MED15: variants seen among roughly 807,000 people sequenced by gnomAD.
The protein encoded by MED15 is mediator complex subunit 15.
Under a neutral mutation model 118.7 loss-of-function variants are expected in MED15, and 41 were observed. The ratio of observed to expected loss-of-function variants is 0.35; its 90% CI spans 0.27 to 0.45. MED15 has a LOEUF of 0.45. Ranked by LOEUF, MED15 falls within the 20% of genes least tolerant of loss-of-function variation. The pLI is 1.00. For missense variants in MED15, 740 were observed against 1,025.5 expected (o/e 0.72, Z 3.80); for synonymous variants, 436 against 413.9 (o/e 1.05, Z -0.65).
rs368381271 is a variant in MED15, at chr22:20,583,267, G to A, written c.1672+20G>A. 6 of 1,611,760 alleles carry A rather than the reference G, an allele frequency of 3.7e-6. No individual in the cohort carries two copies. The highest frequency in any genetic ancestry group is 1.1e-5 in the South Asian group (1 of 91,058). Reference sequence around the variant, plus strand: ...ACGAAGGTAGGCTGCAGCCAGGGCAGGGGCCTGCACCCTGGGGACACCACC... The same window carrying A: ...ACGAAGGTAGGCTGCAGCCAGGGCAAGGGCCTGCACCCTGGGGACACCACC... On this transcript the variant is annotated intron_variant, in intron 12 of 17. Transcript: ENST00000263205.
chr22:20,507,667 T>A lies in MED15; in HGVS notation c.-12T>A, dbSNP rs1266953002. 6.2e-7 allele frequency: 1 copy of A among 1,613,872 alleles called. No individual in the cohort carries two copies. Among genetic ancestry groups the A allele is most frequent in the African/African-American group, 1.3e-5 (1 of 74,994 alleles). ...CAAGCGGGATACGGGCGGCGGGAGC[T>A]GGGGAACAGGCATGGACGTTTCCGG... On this transcript the variant is annotated 5_prime_UTR_variant, in exon 1 of 18. Coordinates refer to ENST00000263205, the MANE Select transcript of MED15 (RefSeq NM_001003891.3).
intron 9 of MED15, among the ~76,000 whole-genome samples, chr22:20,581,120 C>A (rs1320169550): frequency 6.6e-6 from 1 of 152,166 alleles, no homozygotes; most frequent in South Asian, 2.1e-4. Flanking sequence ...GTGCCTTAGC[C>A]CCCCACCCCC....
intron 3 of MED15, among the ~76,000 whole-genome samples, chr22:20,552,363 C>T (rs2055813617): frequency 6.6e-6 from 1 of 152,210 alleles, no homozygotes; most frequent in African/African-American, 2.4e-5. Flanking sequence ...ACTCCAGAGC[C>T]TGGTAGGTTT....
intron 2 of MED15, among the ~76,000 whole-genome samples, chr22:20,546,814 G>A (rs2055561738): frequency 6.6e-6 from 1 of 152,114 alleles, no homozygotes; most frequent in Admixed American, 6.5e-5. Flanking sequence ...TTCTTAGTCT[G>A]CTGGCATTTA....
intron 5 of MED15, among the ~76,000 whole-genome samples, chr22:20,563,444 A>G (rs187803336): frequency 6.6e-6 from 1 of 152,354 alleles, no homozygotes; most frequent in African/African-American, 2.4e-5. Context: ...CATTTTTGAA[A>G]TATTATGTAT....
intron 1 of MED15, among the ~76,000 whole-genome samples, chr22:20,530,884 A>G (rs752492303): frequency 6.6e-6 from 1 of 152,200 alleles, no homozygotes; most frequent in Non-Finnish European, 1.5e-5. Context: ...AGGGGGCAAC[A>G]ATAACCTCAA....
At chr22:20,512,012 A>G (rs2054087241) in intron 1 of MED15, among the ~76,000 whole-genome samples, 1 of 70,526 alleles carries the variant, frequency 1.4e-5, no homozygotes, top group African/African-American at 1.0e-4. Flanking sequence ...TTTTGGAGAC[A>G]AGATCTTGCT....
At chr22:20,529,474 G>T (rs2054777062) in intron 1 of MED15, among the ~76,000 whole-genome samples, 1 of 152,138 alleles carries the variant, frequency 6.6e-6, no homozygotes, top group Non-Finnish European at 1.5e-5. Flanking sequence ...ACCCAGGCTG[G>T]AGTGCAATGG....
chr22:20,575,738 A>G (rs2056803669), intron 9 of MED15, among the ~76,000 whole-genome samples: 1 of 150,526 alleles, frequency 6.6e-6, no homozygotes, highest in African/African-American at 2.4e-5. Context: ...AATGGAAAAT[A>G]TATATATAAA....
At position 20,538,853 on chromosome 22, in the gene MED15, C is replaced by G. The variant is rs111702741; in HGVS notation, c.156+1649C>G. ...TAGCCAGGATTACAGGTGCGCACCA[C>G]CACACCCGACTAATTTTTTGTATTT... On this transcript the variant is annotated intron_variant, in intron 2 of 17. Transcript: ENST00000263205. Among the ~76,000 whole-genome samples the G allele has an allele frequency of 4.9e-3, 747 of 152,064 alleles. 10 individuals carry two copies. Among genetic ancestry groups the G allele is most frequent in the African/African-American group, 0.017 (713 of 41,446 alleles).
chr22:20,563,307 T>C (rs2056313992), intron 5 of MED15, among the ~76,000 whole-genome samples: 2 of 152,192 alleles, frequency 1.3e-5, no homozygotes, highest in Non-Finnish European at 2.9e-5. Context: ...ATGTCCTTCA[T>C]GTAGACGGTT....
Position 20,554,951 on chromosome 22 carries a change from T to C in MED15, c.254T>C (p.Leu85Pro). 2 of 1,606,936 alleles carry C rather than the reference T, an allele frequency of 1.2e-6. No individual in the cohort carries two copies. Among genetic ancestry groups the C allele is most frequent in the Non-Finnish European group, 1.7e-6 (2 of 1,179,100 alleles). Residue 85 changes from leucine (L) to proline (P), a missense_variant, in exon 5 of 18, where the codon CTC becomes CCC. Transcript: ENST00000263205. ...QASVSDPMNA[L>P]QSLTGGPAAG... ...GTTCCCACAGATCCTATGAATGCAC[T>C]CCAGAGCCTGACTGGCGGACCTGCT...
chr22:20,513,738 G>A (rs1456064739), intron 1 of MED15, among the ~76,000 whole-genome samples: 1 of 152,198 alleles, frequency 6.6e-6, no homozygotes, highest in South Asian at 2.1e-4. Context: ...TGCCCTTGCA[G>A]GAGTAGGAGA....
chr22:20,545,993 G>A (rs1469360514), intron 2 of MED15, among the ~76,000 whole-genome samples: 1 of 152,152 alleles, frequency 6.6e-6, no homozygotes, highest in Non-Finnish European at 1.5e-5. Context: ...TATCTCTGCT[G>A]AGCATCTCCA....
In MED15 at chr22:20,564,477, T is replaced by TGCAGCAGCA; in HGVS notation, c.486_494dup (p.Gln166_Gln168dup). ...CAGCTGCAGCTCCAGCAGGTGGCGC[T>TGCAGCAGCA]GCAGCAGCAGCAGCAACAGCAGCAG... On this transcript the variant is annotated inframe_insertion, in exon 6 of 18. Transcript: ENST00000263205. The TGCAGCAGCA allele has an allele frequency of 6.2e-7, 1 of 1,612,556 alleles. No individual in the cohort carries two copies.
At chr22:20,567,583 G>A (rs993896784) in intron 7 of MED15, among the ~76,000 whole-genome samples, 2 of 152,208 alleles carry the variant, frequency 1.3e-5, no homozygotes, top group African/African-American at 4.8e-5. Flanking sequence ...TGTCACCTGG[G>A]AGTCGACACA....
chr22:20,512,006 G>A (rs997734), intron 1 of MED15, among the ~76,000 whole-genome samples: 5 of 123,262 alleles, frequency 4.1e-5, no homozygotes, highest in South Asian at 2.6e-4. Flanking sequence ...TTTTTTTTTT[G>A]GAGACAAGAT....
intron 3 of MED15, 76 bp from the exon 4 acceptor site, chr22:20,553,069 A>G (rs2055847215): frequency 1.4e-6 from 2 of 1,419,718 alleles, no homozygotes; most frequent in Non-Finnish European, 2.0e-6. Context: ...TGCCTACAGA[A>G]CTGACCTACC....
intron 8 of MED15, among the ~76,000 whole-genome samples, 185 bp downstream of exon 8, chr22:20,568,816 TG>T: frequency 6.6e-6 from 1 of 152,270 alleles, no homozygotes; most frequent in South Asian, 2.1e-4. Context: ...CAGCTGTGCT[TG>T]GTCATGTCTA....
Sources: gnomAD v4.1 joint callset for allele counts (sites outside exome capture counted in the v4.1 genomes callset) on GRCh38, gnomAD v4.1.1 for gene constraint, MANE v1.5 for transcripts, NCBI Gene and HGNC (gene_info 2026-07-23, HGNC 2026-07-21) for gene names.